TRAPPC9: variants seen among roughly 807,000 people sequenced by gnomAD.
TRAPPC9 encodes the protein trafficking protein particle complex subunit 9, also known as IKK2 binding protein.
Under a neutral mutation model 124.0 loss-of-function variants are expected in TRAPPC9, and 83 were observed. That is an observed-to-expected ratio of 0.67 (90% CI 0.56 to 0.80). The LOEUF (loss-of-function observed/expected upper bound fraction) is 0.80, where lower values mean the gene tolerates loss of function less well. Among genes scored for constraint, TRAPPC9 ranks in the 30% least tolerant of loss-of-function variants. The pLI is 0.00. For missense variants in TRAPPC9, 1,302 were observed against 1,508.3 expected (o/e 0.86, Z 2.27); for synonymous variants, 638 against 617.5 (o/e 1.03, Z -0.49).
intron 19 of TRAPPC9, among the ~76,000 whole-genome samples, chr8:139,976,170 C>T (rs2319585): frequency 0.13 from 19,879 of 151,676 alleles, 1,620 homozygotes; most frequent in South Asian, 0.24. Context: ...GGATTACAGG[C>T]GTGAGCCACC....
At chr8:140,178,262 G>A (rs1563821406) in intron 17 of TRAPPC9, among the ~76,000 whole-genome samples, 1 of 152,124 alleles carries the variant, frequency 6.6e-6, no homozygotes, top group Non-Finnish European at 1.5e-5. Context: ...AGGCCTGTTA[G>A]CAAGTGGGCT....
chr8:139,795,219 GTTC>G (rs1822968639), intron 21 of TRAPPC9, among the ~76,000 whole-genome samples: 1 of 152,122 alleles, frequency 6.6e-6, no homozygotes, highest in Admixed American at 6.5e-5. Context: ...CACAGAGCCT[GTTC>G]TTCTCTGCAA....
At chr8:140,101,541 G>GTTTT (rs11387005) in intron 17 of TRAPPC9, among the ~76,000 whole-genome samples, 2 of 114,958 alleles carry the variant, frequency 1.7e-5, no homozygotes, top group Non-Finnish European at 3.3e-5. Context: ...TCTTTTTTTT[G>GTTTT]TTTTTTTTTT....
At chr8:139,810,298 G>A (rs756818100) in intron 21 of TRAPPC9, among the ~76,000 whole-genome samples, 21 of 152,146 alleles carry the variant, frequency 1.4e-4, no homozygotes, top group Non-Finnish European at 2.9e-4. Flanking sequence ...GGGAGGTGAG[G>A]GTTCACGAAG....
chr8:139,903,367 C>T (rs570221124), intron 20 of TRAPPC9, among the ~76,000 whole-genome samples: 11 of 152,266 alleles, frequency 7.2e-5, no homozygotes, highest in African/African-American at 2.2e-4. Flanking sequence ...ATTGCTCAGA[C>T]GGCCCAGGTC....
At position 140,310,345 on chromosome 8, in the gene TRAPPC9, A is replaced by G. The variant is rs564444648; in HGVS notation, c.1622+903T>C. 2.0e-5 allele frequency among the ~76,000 whole-genome samples: 3 copies of G among 152,274 alleles called. No individual in the cohort carries two copies. The East Asian group carries it at 5.8e-4, about 29-fold the overall frequency. On this transcript the variant is annotated intron_variant, in intron 10 of 22. Transcript: ENST00000438773. ...GCTGGGGAACAATAGCCAAGCCAAG[A>G]GCGTTTTAAAGATACTTAGCATCTT...
chr8:140,272,056 T>C (rs1384146087), intron 15 of TRAPPC9, among the ~76,000 whole-genome samples: 3 of 135,802 alleles, frequency 2.2e-5, no homozygotes, highest in African/African-American at 8.3e-5. Flanking sequence ...GTGGTGGTTA[T>C]GGTAGTGATG....
chr8:139,982,765 T>C (rs1405522852), intron 19 of TRAPPC9, among the ~76,000 whole-genome samples: 1 of 152,232 alleles, frequency 6.6e-6, no homozygotes, highest in Non-Finnish European at 1.5e-5. Flanking sequence ...CAGTATTCCA[T>C]TGTAAAGTAT....
intron 21 of TRAPPC9, among the ~76,000 whole-genome samples, chr8:139,820,569 G>A (rs1359575330): frequency 6.6e-6 from 1 of 152,058 alleles, no homozygotes; most frequent in African/African-American, 2.4e-5. Context: ...CTTTAAACTG[G>A]ATAATATGTT....
chr8:139,819,520 G>A (rs1326200312), intron 21 of TRAPPC9, among the ~76,000 whole-genome samples: 1 of 152,130 alleles, frequency 6.6e-6, no homozygotes, highest in Non-Finnish European at 1.5e-5. Context: ...AAGCCCCTGG[G>A]ACAGGGACAA....
chr8:140,126,172 G>A (rs942022602), intron 17 of TRAPPC9, among the ~76,000 whole-genome samples: 45 of 152,106 alleles, frequency 3.0e-4, no homozygotes, highest in Admixed American at 2.5e-3. Flanking sequence ...AAGCAGACTC[G>A]GAGGAAACCA....
intron 21 of TRAPPC9, among the ~76,000 whole-genome samples, chr8:139,848,684 G>A (rs1827257525): frequency 6.6e-6 from 1 of 152,124 alleles, no homozygotes; most frequent in African/African-American, 2.4e-5. Flanking sequence ...TCCCGAAATA[G>A]AAGCCTATAT....
At chr8:140,184,250 C>A (rs943452219) in intron 17 of TRAPPC9, among the ~76,000 whole-genome samples, 1 of 151,298 alleles carries the variant, frequency 6.6e-6, no homozygotes, top group African/African-American at 2.4e-5. Flanking sequence ...TGGCAGGTGG[C>A]TCTTTTTCCA....
At chr8:139,904,222 CT>C (rs1163287922) in intron 20 of TRAPPC9, among the ~76,000 whole-genome samples, 2 of 152,182 alleles carry the variant, frequency 1.3e-5, no homozygotes, top group Non-Finnish European at 2.9e-5. Flanking sequence ...ACGGCACAAT[CT>C]GGCAAGGGAG....
At chr8:139,919,479 G>A (rs1832373307) in intron 19 of TRAPPC9, among the ~76,000 whole-genome samples, 1 of 152,130 alleles carries the variant, frequency 6.6e-6, no homozygotes, top group African/African-American at 2.4e-5. Context: ...CTTCAAATGG[G>A]TAAATTGCAT....
At chr8:140,005,923 A>AAGGAGG (rs1259813443) in intron 18 of TRAPPC9, among the ~76,000 whole-genome samples, 4 of 151,336 alleles carry the variant, frequency 2.6e-5, no homozygotes, top group African/African-American at 7.3e-5. Flanking sequence ...AAAAAAAAAA[A>AAGGAGG]AGGAGGAGGA....
At chr8:140,447,276 A>G (rs776158526) in intron 2 of TRAPPC9, among the ~76,000 whole-genome samples, 5 of 152,242 alleles carry the variant, frequency 3.3e-5, no homozygotes, top group Non-Finnish European at 7.3e-5. Context: ...GCTAAAAAAA[A>G]GCTAAAATTA....
At chr8:140,320,250 G>A (rs554718355) in intron 9 of TRAPPC9, among the ~76,000 whole-genome samples, 2 of 152,296 alleles carry the variant, frequency 1.3e-5, no homozygotes, top group South Asian at 4.1e-4. Flanking sequence ...TCTCTTTGGA[G>A]GCTTCCACTA....
chr8:140,045,560 G>A (rs944953972), intron 17 of TRAPPC9, among the ~76,000 whole-genome samples: 3 of 149,032 alleles, frequency 2.0e-5, no homozygotes, highest in Non-Finnish European at 4.4e-5. Flanking sequence ...CTGGGAGGCG[G>A]AGGTTGTAGC....
Sources: gnomAD v4.1 joint callset for allele counts (sites outside exome capture counted in the v4.1 genomes callset) on GRCh38, gnomAD v4.1.1 for gene constraint, MANE v1.5 for transcripts, NCBI Gene and HGNC (gene_info 2026-07-23, HGNC 2026-07-21) for gene names.